Variants in KCNK10 observed in about 807,000 individuals in gnomAD.
KCNK10 encodes potassium channel subfamily K member 10.
KCNK10 carries 25 observed loss-of-function variants against 47.7 expected under a neutral mutation model. That is an observed-to-expected ratio of 0.52 (90% CI 0.38 to 0.73). KCNK10 has a LOEUF of 0.73. KCNK10 is among the 30% of genes least tolerant of loss of function. The probability of loss-of-function intolerance (pLI) is 0.00; values close to 1 mark genes in which losing one functional copy is unlikely to be tolerated. For missense variants in KCNK10, 563 were observed against 714.5 expected (o/e 0.79, Z 2.42); for synonymous variants, 303 against 285.6 (o/e 1.06, Z -0.61).
chr14:88,271,331 C>T (rs568089473), intron 1 of KCNK10, among the ~76,000 whole-genome samples: 6 of 152,180 alleles, frequency 3.9e-5, no homozygotes, highest in Non-Finnish European at 7.3e-5. Context: ...ACACACCTGC[C>T]CAACAGAAAC....
intron 1 of KCNK10, among the ~76,000 whole-genome samples, chr14:88,270,504 G>A (rs1459953583): frequency 6.6e-6 from 1 of 152,128 alleles, no homozygotes; most frequent in Non-Finnish European, 1.5e-5. Flanking sequence ...GTCCCAAAAC[G>A]CCACCCGAGG....
intron 4 of KCNK10, among the ~76,000 whole-genome samples, chr14:88,212,132 CGA>C (rs56111427): frequency 0.41 from 48,692 of 118,568 alleles, 8,412 homozygotes; most frequent in East Asian, 0.46. Context: ...ATATATATAT[CGA>C]GAGAGAGAGA....
At position 88,279,959 on chromosome 14, in the gene KCNK10, A is replaced by G. The variant is rs937910627; in HGVS notation, c.53-16408T>C. Among the ~76,000 whole-genome samples, 4 of 152,150 alleles carry G rather than the reference A, an allele frequency of 2.6e-5. No homozygotes were observed. The East Asian group carries it at 7.7e-4, about 29-fold the overall frequency. On this transcript the variant is annotated intron_variant, in intron 1 of 6. Transcript: ENST00000319231. ...TCATTTTCTCTTGCTGCTGCCATGT[A>G]AGAAGTGCCTTTCACCTCCCACCAT...
intron 3 of KCNK10, among the ~76,000 whole-genome samples, chr14:88,239,206 TAA>T (rs35034913): frequency 4.8e-4 from 71 of 147,406 alleles, no homozygotes; most frequent in African/African-American, 1.5e-3. Context: ...TAAATTTGTT[TAA>T]AAAAAAAAAA....
At chr14:88,228,203 T>C (rs957074784) in intron 3 of KCNK10, among the ~76,000 whole-genome samples, 1 of 152,182 alleles carries the variant, frequency 6.6e-6, no homozygotes, top group African/African-American at 2.4e-5. Flanking sequence ...CCCAACTACC[T>C]CTTGCATTGA....
In KCNK10 at chr14:88,197,572, T is replaced by TAAAAAAA. The variant is rs71417717; in HGVS notation, c.682-5169_682-5163dup. Among the ~76,000 whole-genome samples the TAAAAAAA allele has an allele frequency of 7.3e-3, 126 of 17,152 alleles. 39 individuals are homozygous for TAAAAAAA. The highest frequency in any genetic ancestry group is 0.022 in the East Asian group (9 of 418). The allele number at this position is 17,152 out of a possible 152,430, so 11.3% of individuals were successfully genotyped here. A position where few individuals can be genotyped will look rare whatever the true frequency, so the allele number is the denominator to read the frequency against. ...CTGGGCAACAGAGAGAGACTCCGAC[T>TAAAAAAA]AAAAAAAAAAAAAAAAAAAAAAAAA... On this transcript the variant is annotated intron_variant, in intron 4 of 6. Coordinates refer to ENST00000319231, the MANE Select transcript of KCNK10 (RefSeq NM_138317.3).
chr14:88,182,034 CCGCACACACACA>C lies in KCNK10; in HGVS notation c.*3489_*3500del, dbSNP rs1380285597. On this transcript the variant is annotated 3_prime_UTR_variant, in exon 7 of 7. Coordinates refer to ENST00000319231, the MANE Select transcript of KCNK10 (RefSeq NM_138317.3). The stretch of plus-strand genomic sequence containing the variant: ...AGAGATGGCCCAACACCACCCCAAC[CCGCACACACACA>C]CACACACACACACACACACACACAC... The C allele has an allele frequency of 4.2e-5, 4 of 96,008 alleles. No individual in the cohort carries two copies. The highest frequency in any genetic ancestry group is 1.8e-4 in the African/African-American group (4 of 21,670). 5.9% of individuals were successfully genotyped at this position (96,008 alleles called of 1,614,324 possible).
chr14:88,247,169 C>G (rs1280461571), intron 2 of KCNK10, among the ~76,000 whole-genome samples: 1 of 152,140 alleles, frequency 6.6e-6, no homozygotes, highest in African/African-American at 2.4e-5. Flanking sequence ...GTTCTTTTTT[C>G]TCTATCTCAG....
At chr14:88,200,550 A>G (rs575262734) in intron 4 of KCNK10, among the ~76,000 whole-genome samples, 15 of 152,358 alleles carry the variant, frequency 9.8e-5, no homozygotes, top group African/African-American at 3.4e-4. Flanking sequence ...GAAGTTAGAT[A>G]AGAAGGAAAT....
At chr14:88,295,087 T>G (rs917310548) in intron 1 of KCNK10, among the ~76,000 whole-genome samples, 1 of 152,234 alleles carries the variant, frequency 6.6e-6, no homozygotes, top group African/African-American at 2.4e-5. Context: ...TAAATACCTA[T>G]GATGACAAGT....
chr14:88,224,721 T>C (rs772131473), intron 4 of KCNK10, among the ~76,000 whole-genome samples: 2 of 152,248 alleles, frequency 1.3e-5, no homozygotes, highest in African/African-American at 2.4e-5. Context: ...GCAATTCTAA[T>C]GCCTCCGCCT....
At chr14:88,222,059 C>T (rs975835110) in intron 4 of KCNK10, among the ~76,000 whole-genome samples, 1 of 152,204 alleles carries the variant, frequency 6.6e-6, no homozygotes, top group African/African-American at 2.4e-5. Flanking sequence ...ATTGGACTTA[C>T]AGTTCCACAT....
rs557021512 is a variant in KCNK10 at position 88,322,496 on chromosome 14, T to C, written c.52+251A>G. 7.2e-4 allele frequency among the ~76,000 whole-genome samples: 110 copies of C among 151,994 alleles called. No individual in the cohort carries two copies. The highest frequency in any genetic ancestry group is 2.7e-3 in the African/African-American group (110 of 41,404). On this transcript the variant is annotated intron_variant, in intron 1 of 6. Transcript: ENST00000319231. This position sits in a 1 kb window ranked among gnomAD's most constrained non-coding sequence, Gnocchi z 4.8. ...ACACTTGCAATTTCAAACCAAACAG[T>C]CGGCTTGGTCTATCTAAATAGATCT...
At chr14:88,187,840 ACCCGCCC>A in intron 6 of KCNK10, 120 bp downstream of exon 6, 1 of 779,352 alleles carries the variant, frequency 1.3e-6, no homozygotes, top group Non-Finnish European at 2.1e-6. Context: ...GAAGCCTATG[ACCCGCCC>A]CCCGCTCCCC....
Position 88,274,566 on chromosome 14 carries a change from A to AAAAAAAAAAAAAT in KCNK10, c.53-11016_53-11015insATTTTTTTTTTTT, listed in dbSNP as rs55899872. On this transcript the variant is annotated intron_variant, in intron 1 of 6. Coordinates refer to ENST00000319231, the MANE Select transcript of KCNK10 (RefSeq NM_138317.3). ...ACTCTATCTAAAAAAAAAAAAAAAA[A>AAAAAAAAAAAAAT]GATCTTATGGCTTAAGTCCGTAACA... Among the ~76,000 whole-genome samples the AAAAAAAAAAAAAT allele has an allele frequency of 7.9e-5, 11 of 139,654 alleles. 2 individuals are homozygous for AAAAAAAAAAAAAT. Among genetic ancestry groups the AAAAAAAAAAAAAT allele is most frequent in the African/African-American group, 3.1e-4 (10 of 32,170 alleles). 91.6% of individuals were successfully genotyped at this position (139,654 alleles called of 152,430 possible).
At chr14:88,316,058 C>A (rs17124504) in intron 1 of KCNK10, among the ~76,000 whole-genome samples, 29,781 of 152,068 alleles carry the variant, frequency 0.2, 3,105 homozygotes, top group East Asian at 0.28. Flanking sequence ...ATGAGACTAG[C>A]AGTTATTGGT....
At chr14:88,222,040 A>C (rs1023600146) in intron 4 of KCNK10, among the ~76,000 whole-genome samples, 12 of 152,238 alleles carry the variant, frequency 7.9e-5, no homozygotes, top group African/African-American at 1.2e-4. Flanking sequence ...GGGAACAAAA[A>C]GAGGCTTAAT....
intron 4 of KCNK10, among the ~76,000 whole-genome samples, chr14:88,200,901 C>T (rs1245554400): frequency 6.6e-6 from 1 of 152,126 alleles, no homozygotes; most frequent in African/African-American, 2.4e-5. Flanking sequence ...GGGAAAGAAT[C>T]CACAGAGTGA....
intron 1 of KCNK10, among the ~76,000 whole-genome samples, chr14:88,310,157 C>CATATGCCATATGATATGGTATATG (rs1888284548): frequency 2.3e-5 from 1 of 43,542 alleles, no homozygotes; most frequent in African/African-American, 8.8e-5. Flanking sequence ...ATATCTCTCT[C>CATATGCCATATGATATGGTATATG]ATATACCATA....
Sources: gnomAD v4.1 joint callset for allele counts (sites outside exome capture counted in the v4.1 genomes callset) on GRCh38, gnomAD v4.1.1 for gene constraint, Gnocchi (gnomAD v3.1) non-coding constraint, MANE v1.5 for transcripts, NCBI Gene and HGNC (gene_info 2026-07-23, HGNC 2026-07-21) for gene names.